SLC24A2: variants seen among roughly 807,000 people sequenced by gnomAD.
SLC24A2 encodes the protein sodium/potassium/calcium exchanger 2.
Under a neutral mutation model 62.0 loss-of-function variants are expected in SLC24A2, and 36 were observed. The observed-to-expected ratio is 0.58, with a 90% CI of 0.44 to 0.77. The LOEUF is 0.77. Among genes scored for constraint, SLC24A2 ranks in the 30% least tolerant of loss-of-function variants. The probability of loss-of-function intolerance (pLI) is 0.00; values close to 1 mark genes in which losing one functional copy is unlikely to be tolerated. For missense variants in SLC24A2, 846 were observed against 817.9 expected, an observed-to-expected ratio of 1.03 and a Z score of -0.42; for synonymous variants, 358 against 294.0, an observed-to-expected ratio of 1.22 and a Z score of -2.23.
the SLC24A2 span, among the ~76,000 whole-genome samples, chr9:20,097,720 A>ATTTTTGTTTTTTTTT: frequency 1.4e-5 from 1 of 69,052 alleles, no homozygotes; most frequent in Non-Finnish European, 2.7e-5. Flanking sequence ...ATCTTAAATA[A>ATTTTTGTTTTTTTTT]TTTTTTTTTT....
the SLC24A2 span, among the ~76,000 whole-genome samples, chr9:19,836,125 G>C: frequency 6.6e-6 from 1 of 152,042 alleles, no homozygotes; most frequent in East Asian, 1.9e-4. Flanking sequence ...GAGAAAGCAG[G>C]AAAGATCTAA....
At chr9:19,516,533 T>C in intron 10 of SLC24A2, 131 bp from the exon 11 acceptor site, 1 of 1,129,238 alleles carries the variant, frequency 8.9e-7, no homozygotes, top group Non-Finnish European at 1.3e-6. Context: ...CTTGTTAGGT[T>C]CACTATGACT....
the SLC24A2 span, among the ~76,000 whole-genome samples, chr9:20,101,078 T>C: frequency 2.6e-5 from 4 of 152,258 alleles, no homozygotes; most frequent in African/African-American, 7.2e-5. Flanking sequence ...GATAATTCCA[T>C]TAGCAAGTGG....
the SLC24A2 span, among the ~76,000 whole-genome samples, chr9:20,224,896 C>A: frequency 6.6e-6 from 1 of 152,074 alleles, no homozygotes; most frequent in East Asian, 1.9e-4. Context: ...GGAGCTACTT[C>A]AACTAGAAAT....
chr9:19,523,955 A>G (rs147575020), intron 9 of SLC24A2, among the ~76,000 whole-genome samples: 3 of 152,240 alleles, frequency 2.0e-5, no homozygotes, highest in Admixed American at 6.5e-5. Context: ...TTTGTGGAAG[A>G]AGAACTAGTC....
the SLC24A2 span, among the ~76,000 whole-genome samples, chr9:20,001,795 A>C: frequency 6.6e-6 from 1 of 152,204 alleles, no homozygotes; most frequent in African/African-American, 2.4e-5. Context: ...CAAAGAAAAA[A>C]AGCTTCACAA....
the SLC24A2 span, among the ~76,000 whole-genome samples, chr9:20,201,172 G>T: frequency 6.6e-6 from 1 of 152,164 alleles, no homozygotes; most frequent in Non-Finnish European, 1.5e-5. Flanking sequence ...TATCCTCACA[G>T]CTAATAGCTA....
chr9:20,007,049 G>A, the SLC24A2 span, among the ~76,000 whole-genome samples: 1 of 152,246 alleles, frequency 6.6e-6, no homozygotes, highest in African/African-American at 2.4e-5. Context: ...GCTTTCTCTA[G>A]TAAAATCCCA....
At chr9:19,954,998 T>A in the SLC24A2 span, among the ~76,000 whole-genome samples, 1 of 152,166 alleles carries the variant, frequency 6.6e-6, no homozygotes, top group Non-Finnish European at 1.5e-5. Flanking sequence ...TTTAGTTTTT[T>A]AACTATATAC....
the SLC24A2 span, among the ~76,000 whole-genome samples, chr9:19,868,955 T>C: frequency 1.6e-4 from 25 of 152,288 alleles, no homozygotes; most frequent in African/African-American, 5.8e-4. Flanking sequence ...GTTTAGTTCA[T>C]GCACAATTAA....
chr9:19,876,097 T>C, the SLC24A2 span, among the ~76,000 whole-genome samples: 3 of 152,162 alleles, frequency 2.0e-5, no homozygotes, highest in African/African-American at 4.8e-5. Context: ...ATTTGATTAT[T>C]AAAGCCAAAT....
At chr9:19,560,028 C>T (rs1355031275) in intron 7 of SLC24A2, among the ~76,000 whole-genome samples, 2 of 152,148 alleles carry the variant, frequency 1.3e-5, no homozygotes, top group Non-Finnish European at 1.5e-5. Context: ...GACCCTGAAA[C>T]TGTAGTTTAG....
chr9:19,644,817 GTTA>G (rs1376974379), intron 2 of SLC24A2, among the ~76,000 whole-genome samples: 1 of 151,562 alleles, frequency 6.6e-6, no homozygotes. Context: ...TAAAATATTT[GTTA>G]TTATTAATGC....
At chr9:19,754,265 C>A (rs1234981991) in intron 2 of SLC24A2, among the ~76,000 whole-genome samples, 4 of 152,186 alleles carry the variant, frequency 2.6e-5, no homozygotes, top group African/African-American at 9.6e-5. Flanking sequence ...GTCCACTCTT[C>A]TAAGAGCCAG....
the SLC24A2 span, among the ~76,000 whole-genome samples, chr9:20,265,057 G>C: frequency 1.3e-5 from 2 of 152,374 alleles, no homozygotes; most frequent in African/African-American, 4.8e-5. Flanking sequence ...ATCCAGGCCA[G>C]CTGGAGAAGC....
At chr9:19,766,468 TCAGA>T (rs912169252) in intron 2 of SLC24A2, among the ~76,000 whole-genome samples, 1 of 152,226 alleles carries the variant, frequency 6.6e-6, no homozygotes, top group Non-Finnish European at 1.5e-5. Context: ...TTGGTGACCT[TCAGA>T]TGGAGTTTTT....
At chr9:19,690,905 G>C (rs1208639239) in intron 2 of SLC24A2, among the ~76,000 whole-genome samples, 1 of 137,790 alleles carries the variant, frequency 7.3e-6, no homozygotes, top group African/African-American at 2.4e-5. Flanking sequence ...GAGGCGTATT[G>C]TGTGTGTGCG....
At chr9:19,871,500 C>T in the SLC24A2 span, among the ~76,000 whole-genome samples, 1 of 152,146 alleles carries the variant, frequency 6.6e-6, no homozygotes, top group African/African-American at 2.4e-5. Context: ...TGCTATCTCA[C>T]ATCTGCATTT....
chr9:20,165,951 A>C, the SLC24A2 span, among the ~76,000 whole-genome samples: 1 of 151,974 alleles, frequency 6.6e-6, no homozygotes, highest in Non-Finnish European at 1.5e-5. Context: ...GGGGATGGAA[A>C]CATGAGACAT....
Sources: allele counts gnomAD v4.1 joint callset (sites outside exome capture counted in the v4.1 genomes callset), GRCh38; gene constraint gnomAD v4.1.1; transcripts MANE v1.5; gene names NCBI Gene and HGNC (gene_info 2026-07-23, HGNC 2026-07-21).